ELP4: variants seen among roughly 807,000 people sequenced by gnomAD.
The protein encoded by ELP4 is elongator complex protein 4.
Under a neutral mutation model 48.9 loss-of-function variants are expected in ELP4, and 51 were observed. The ratio of observed to expected loss-of-function variants is 1.04; its 90% CI spans 0.83 to 1.32. The LOEUF (loss-of-function observed/expected upper bound fraction) is 1.32, where lower values mean the gene tolerates loss of function less well. Ranked by LOEUF, ELP4 falls within the 40% of genes most tolerant of loss-of-function variation. ELP4 has a pLI of 0.00. For synonymous variants in ELP4, 210 were observed against 189.2 expected (o/e 1.11, Z -0.90); for missense variants, 519 against 514.6 (o/e 1.01, Z -0.08).
rs35352597 is a variant in ELP4 at position 31,752,833 on chromosome 11, C to CA, written c.1144-30541dup. Among the ~76,000 whole-genome samples the CA allele has an allele frequency of 6.7e-3, 616 of 92,358 alleles. 5 individuals are homozygous for CA. The highest frequency in any genetic ancestry group is 0.014 in the African/African-American group (416 of 29,696). The allele number at this position is 92,358 out of a possible 152,430, so 60.6% of individuals were successfully genotyped here. ...TGGACGACAGAGTGAGACTCCATCT[C>CA]AAAAAAAAAAAAAAAAAAAGAACTG... On this transcript the variant is annotated intron_variant, in intron 9 of 9. Coordinates refer to ENST00000640961, the MANE Select transcript of ELP4 (RefSeq NM_019040.5).
intron 5 of ELP4, among the ~76,000 whole-genome samples, chr11:31,626,047 A>T (rs570047296): frequency 1.3e-5 from 2 of 151,938 alleles, no homozygotes; most frequent in South Asian, 2.1e-4. Context: ...TTTTTGCAAG[A>T]TAGACACTTT....
At chr11:31,738,164 G>T (rs1947361093) in intron 9 of ELP4, among the ~76,000 whole-genome samples, 2 of 140,990 alleles carry the variant, frequency 1.4e-5, no homozygotes, top group South Asian at 4.4e-4. Flanking sequence ...GGGAGACCAA[G>T]ACAGGAAGAT....
chr11:31,773,421 G>T (rs1262437797), intron 9 of ELP4, among the ~76,000 whole-genome samples: 1 of 152,116 alleles, frequency 6.6e-6, no homozygotes, highest in Non-Finnish European at 1.5e-5. Flanking sequence ...CCATAGTCAG[G>T]CACAGGTACC....
At chr11:31,600,838 T>G (rs1957767968) in intron 4 of ELP4, among the ~76,000 whole-genome samples, 1 of 152,184 alleles carries the variant, frequency 6.6e-6, no homozygotes, top group Non-Finnish European at 1.5e-5. Context: ...GGTGCAGCTT[T>G]TCTTTGAAAG....
rs560688575 is a variant in ELP4 at position 31,591,968 on chromosome 11, C to T, written c.382-2802C>T. Among the ~76,000 whole-genome samples the T allele has an allele frequency of 3.3e-5, 5 of 152,188 alleles. No homozygotes were observed. The South Asian group carries it at 1.0e-3, about 32-fold the overall frequency. ...GTGCAACATAGAGGAACATTGAAAA[C>T]ATTACTCTAAATGAAGGAAGCCAGA... On this transcript the variant is annotated intron_variant, in intron 3 of 9. Coordinates refer to ENST00000640961, the MANE Select transcript of ELP4 (RefSeq NM_019040.5).
At chr11:31,682,732 A>G (rs1346223011) in intron 9 of ELP4, among the ~76,000 whole-genome samples, 1 of 152,224 alleles carries the variant, frequency 6.6e-6, no homozygotes, top group Non-Finnish European at 1.5e-5. Context: ...ACTATAATAG[A>G]AATTGACTGA....
intron 3 of ELP4, among the ~76,000 whole-genome samples, chr11:31,587,885 TA>T (rs1957505026): frequency 1.3e-5 from 2 of 152,132 alleles, no homozygotes; most frequent in African/African-American, 4.8e-5. Context: ...TTAACAAAAT[TA>T]TTTTTTTATT....
intron 5 of ELP4, among the ~76,000 whole-genome samples, chr11:31,619,763 T>G (rs755791605): frequency 3.3e-5 from 5 of 151,920 alleles, no homozygotes; most frequent in Non-Finnish European, 7.4e-5. Flanking sequence ...ATGTCATTAC[T>G]CAGATATTAT....
intron 9 of ELP4, among the ~76,000 whole-genome samples, chr11:31,686,914 G>A (rs1419537101): frequency 6.6e-6 from 1 of 151,910 alleles, no homozygotes; most frequent in Non-Finnish European, 1.5e-5. Context: ...AGAGATTGGA[G>A]TGGGGGTGGG....
At chr11:31,567,212 C>A (rs1957127514) in intron 3 of ELP4, among the ~76,000 whole-genome samples, 2 of 151,922 alleles carry the variant, frequency 1.3e-5, no homozygotes, top group Non-Finnish European at 2.9e-5. Context: ...GGATTACAGG[C>A]GTGAGCCACC....
At chr11:31,595,187 A>G (rs942400789) in intron 4 of ELP4, among the ~76,000 whole-genome samples, 2 of 152,162 alleles carry the variant, frequency 1.3e-5, no homozygotes, top group African/African-American at 2.4e-5. Context: ...TCTATCCAGT[A>G]TGTTTACCTA....
chr11:31,746,469 C>T (rs1165434080), intron 9 of ELP4, among the ~76,000 whole-genome samples: 1 of 152,178 alleles, frequency 6.6e-6, no homozygotes, highest in Non-Finnish European at 1.5e-5. Context: ...TTCACAATAG[C>T]AAATACTTGG....
chr11:31,733,476 C>CAAAAAA (rs59733716), intron 9 of ELP4, among the ~76,000 whole-genome samples: 3 of 69,994 alleles, frequency 4.3e-5, no homozygotes, highest in African/African-American at 8.6e-5. Context: ...GACTCCATCT[C>CAAAAAA]AAAAAAAAAA....
intron 9 of ELP4, among the ~76,000 whole-genome samples, chr11:31,683,094 C>A (rs1392479659): frequency 6.6e-6 from 1 of 152,036 alleles, no homozygotes; most frequent in African/African-American, 2.4e-5. Flanking sequence ...CCCCACAAAG[C>A]CCAAGCTTAG....
chr11:31,605,733 T>C (rs1957862928), intron 5 of ELP4, among the ~76,000 whole-genome samples: 2 of 152,120 alleles, frequency 1.3e-5, no homozygotes, highest in Non-Finnish European at 1.5e-5. Context: ...TTAGCATGTG[T>C]CAAATATATT....
chr11:31,526,133 C>T (rs561039243), intron 2 of ELP4, among the ~76,000 whole-genome samples: 1 of 152,156 alleles, frequency 6.6e-6, no homozygotes, highest in East Asian at 1.9e-4. Flanking sequence ...AATTTCACAA[C>T]AATGAGAGGA....
intron 9 of ELP4, among the ~76,000 whole-genome samples, chr11:31,699,459 T>C (rs189073697): frequency 1.5e-3 from 229 of 152,134 alleles, no homozygotes; most frequent in Non-Finnish European, 1.6e-3. Flanking sequence ...CATAGTTAGG[T>C]AGGAAAAGAA....
At chr11:31,690,798 T>G (rs1333464324) in intron 9 of ELP4, among the ~76,000 whole-genome samples, 1 of 144,954 alleles carries the variant, frequency 6.9e-6, no homozygotes, top group Non-Finnish European at 1.5e-5. Context: ...TTTTTTTCCT[T>G]TTTTTTTTTT....
intron 9 of ELP4, among the ~76,000 whole-genome samples, chr11:31,775,802 T>C (rs1400028846): frequency 8.6e-5 from 13 of 151,924 alleles, no homozygotes; most frequent in Admixed American, 8.5e-4. Context: ...CCGTCTCTAC[T>C]AAAAATGCAA....
Sources: allele counts gnomAD v4.1 joint callset (sites outside exome capture counted in the v4.1 genomes callset), GRCh38; gene constraint gnomAD v4.1.1; transcripts MANE v1.5; gene names NCBI Gene and HGNC (gene_info 2026-07-23, HGNC 2026-07-21).